TMEM114: variants seen among roughly 807,000 people sequenced by gnomAD.
TMEM114 encodes transmembrane protein 114.
Under a neutral mutation model 6.2 loss-of-function variants are expected in TMEM114, and 6 were observed. That is an observed-to-expected ratio of 0.97 (90% confidence interval 0.53 to 1.91). The LOEUF (loss-of-function observed/expected upper bound fraction) is 1.91, where lower values mean the gene tolerates loss of function less well. TMEM114 is among the 40% of genes most tolerant of loss of function. The probability of loss-of-function intolerance (pLI) is 0.01; values close to 1 mark genes in which losing one functional copy is unlikely to be tolerated. For synonymous variants in TMEM114, 104 were observed against 73.0 expected, an observed-to-expected ratio of 1.42 and a Z score of -2.16; for missense variants, 218 against 158.3, an observed-to-expected ratio of 1.38 and a Z score of -2.02.
intron 2 of TMEM114, among the ~76,000 whole-genome samples, chr16:8,581,701 A>G (rs1902155371): frequency 1.3e-5 from 2 of 152,326 alleles, no homozygotes; most frequent in South Asian, 4.1e-4. Flanking sequence ...TGATCCGCCC[A>G]CCTTGGCCTC....
intron 2 of TMEM114, among the ~76,000 whole-genome samples, chr16:8,556,631 A>C (rs1193302345): frequency 6.6e-6 from 1 of 151,740 alleles, no homozygotes; most frequent in African/African-American, 2.4e-5. Flanking sequence ...CCTCCTGAAT[A>C]GCTGGGATTA....
chr16:8,552,012 A>G (rs115536594), intron 2 of TMEM114, among the ~76,000 whole-genome samples: 4 of 152,294 alleles, frequency 2.6e-5, no homozygotes, highest in African/African-American at 7.2e-5. Flanking sequence ...TTCCATTTAT[A>G]TAACATTCTC....
At chr16:8,541,208 T>C (rs1900507459) in intron 2 of TMEM114, among the ~76,000 whole-genome samples, 2 of 152,186 alleles carry the variant, frequency 1.3e-5, no homozygotes, top group African/African-American at 4.8e-5. Flanking sequence ...TTTTCTGCGT[T>C]TTACTAATGG....
At chr16:8,531,929 C>T in the TMEM114 span, 3 of 152,190 alleles carry the variant, frequency 2.0e-5, no homozygotes, top group Non-Finnish European at 2.9e-5. Context: ...AGGAAACCTA[C>T]CTCATGTAGA....
chr16:8,542,388 G>T (rs1247397909), intron 2 of TMEM114, among the ~76,000 whole-genome samples: 2 of 152,180 alleles, frequency 1.3e-5, no homozygotes, highest in Non-Finnish European at 2.9e-5. Context: ...CAGATAAGGA[G>T]ATGTGAGGGT....
At chr16:8,589,587 C>A (rs1902420491) in intron 1 of TMEM114, 32 bp downstream of exon 1, 2 of 398,398 alleles carry the variant, frequency 5.0e-6, no homozygotes, top group Non-Finnish European at 8.8e-6. Flanking sequence ...GCGTTCGCAG[C>A]CACAGCTCCC....
chr16:8,534,284 C>T (rs1392491510), downstream of TMEM114, among the ~76,000 whole-genome samples: 3 of 151,752 alleles, frequency 2.0e-5, no homozygotes, highest in South Asian at 2.1e-4. Context: ...CCGGAGGACT[C>T]GCTTAAGCGC....
chr16:8,530,380 C>G, the TMEM114 span, among the ~76,000 whole-genome samples: 1 of 152,198 alleles, frequency 6.6e-6, no homozygotes, highest in Non-Finnish European at 1.5e-5. Context: ...TCAGAGTTCC[C>G]ATCTCTAGAG....
intron 2 of TMEM114, among the ~76,000 whole-genome samples, chr16:8,553,760 C>T (rs1156270812): frequency 6.6e-6 from 1 of 152,128 alleles, no homozygotes. Flanking sequence ...GGATTACAGG[C>T]GTGAGCCACT....
chr16:8,562,612 ATGAGTGAG>A (rs757612725), intron 2 of TMEM114, among the ~76,000 whole-genome samples: 494 of 130,768 alleles, frequency 3.8e-3, no homozygotes, highest in South Asian at 0.026. Flanking sequence ...GAGTGAGTGA[ATGAGTGAG>A]TGAGTGAATG....
intron 2 of TMEM114, among the ~76,000 whole-genome samples, chr16:8,542,143 G>GGC (rs897316722): frequency 2.1e-4 from 11 of 53,568 alleles, no homozygotes; most frequent in African/African-American, 5.7e-4. Flanking sequence ...GATGATTCGT[G>GGC]GGGGGGGGTC....
chr16:8,544,581 A>T (rs1567195237), intron 2 of TMEM114, among the ~76,000 whole-genome samples: 1 of 152,212 alleles, frequency 6.6e-6, no homozygotes, highest in Non-Finnish European at 1.5e-5. Flanking sequence ...GAGGAATGAT[A>T]GCTCATAAGA....
chr16:8,559,752 C>G (rs182604503), intron 2 of TMEM114, among the ~76,000 whole-genome samples: 1 of 152,160 alleles, frequency 6.6e-6, no homozygotes, highest in Non-Finnish European at 1.5e-5. Context: ...CCTGCAGTTG[C>G]GATGCTGCCG....
chr16:8,580,294 G>A (rs147355835), intron 2 of TMEM114, among the ~76,000 whole-genome samples: 2,713 of 152,126 alleles, frequency 0.018, 30 homozygotes, highest in Non-Finnish European at 0.025. Flanking sequence ...TGAGATCAGC[G>A]TGGCCAACAT....
At chr16:8,556,029 G>A (rs181663169) in intron 2 of TMEM114, among the ~76,000 whole-genome samples, 112 of 152,236 alleles carry the variant, frequency 7.4e-4, no homozygotes, top group African/African-American at 2.5e-3. Context: ...ACCACCTGTC[G>A]GCATGCCTCC....
intron 2 of TMEM114, among the ~76,000 whole-genome samples, chr16:8,546,342 A>G (rs575036769): frequency 6.6e-6 from 1 of 152,302 alleles, no homozygotes; most frequent in African/African-American, 2.4e-5. Flanking sequence ...ACATGTATAA[A>G]TGAGGAGCCA....
intron 2 of TMEM114, among the ~76,000 whole-genome samples, chr16:8,560,268 G>C (rs1901157853): frequency 6.6e-6 from 1 of 151,924 alleles, no homozygotes; most frequent in Non-Finnish European, 1.5e-5. Flanking sequence ...AAATTGTTGG[G>C]ATTACAGGTG....
rs781266687 is a variant in TMEM114 at position 8,569,977 on chromosome 16, G to A, written c.468C>T (p.Val156=). The change falls in exon 4 of 4, where the codon GTC becomes GTT. Residue 156 remains valine (V), a synonymous_variant. Transcript: ENST00000620492. ...AGGCGGCGGCTGAATACGCTATGTA[G>A]ACGCTGATCCCAGCGAGGGTCACCA... The part of the protein sequence containing the change: ...GAMVTLAGIS[V]YIAYSAAAFR... 3.2e-6 allele frequency: 5 copies of A among 1,550,746 alleles called. No individual in the cohort carries two copies. Among genetic ancestry groups the A allele is most frequent in the South Asian group, 1.2e-5 (1 of 84,060 alleles).
At chr16:8,547,060 T>C (rs912588799) in intron 2 of TMEM114, among the ~76,000 whole-genome samples, 1 of 152,212 alleles carries the variant, frequency 6.6e-6, no homozygotes, top group African/African-American at 2.4e-5. Context: ...CTGCATATAA[T>C]GGTTGCTGCA....
Sources: gnomAD v4.1 joint callset for allele counts (sites outside exome capture counted in the v4.1 genomes callset) on GRCh38, gnomAD v4.1.1 for gene constraint, MANE v1.5 for transcripts, NCBI Gene and HGNC (gene_info 2026-07-23, HGNC 2026-07-21) for gene names.